The following GAS7 variants were observed in gnomAD, a reference collection of about 807,000 sequenced individuals.
GAS7 encodes growth arrest specific 7, also known as growth arrest-specific protein 7.
Under a neutral mutation model 71.1 loss-of-function variants are expected in GAS7, and 28 were observed. That is an observed-to-expected ratio of 0.39 (90% CI 0.29 to 0.54). The LOEUF (loss-of-function observed/expected upper bound fraction) is 0.54. Among genes scored for constraint, GAS7 ranks in the 20% least tolerant of loss-of-function variants. GAS7 has a pLI of 0.62. For synonymous variants in GAS7, 258 were observed against 245.8 expected, an observed-to-expected ratio of 1.05 and a Z score of -0.46; for missense variants, 436 against 627.8, an observed-to-expected ratio of 0.69 and a Z score of 3.27.
chr17:9,940,428 A>C (rs1045164112), intron 7 of GAS7, among the ~76,000 whole-genome samples: 1 of 152,254 alleles, frequency 6.6e-6, no homozygotes, highest in Non-Finnish European at 1.5e-5. Context: ...TCTGCAAAGT[A>C]GGACATTTTC....
intron 11 of GAS7, among the ~76,000 whole-genome samples, chr17:9,925,107 C>G (rs2067948966): frequency 6.6e-6 from 1 of 152,170 alleles, no homozygotes; most frequent in South Asian, 2.1e-4. Context: ...GGGCTCTGAA[C>G]AGGGACAGGG....
In GAS7 at chr17:9,929,498, G is replaced by A. The variant is rs144216359; in HGVS notation, c.886-2729C>T. Among the ~76,000 whole-genome samples the A allele has an allele frequency of 1.7e-4, 26 of 151,922 alleles. No individual in the cohort carries two copies. The East Asian group carries it at 4.6e-3, about 27-fold the overall frequency. ...ATTTATTTATTTATTTTTTTGAGACGGAGTCTCACTCTGTCTCCCAGGCTG... is the reference window on the plus strand; with the variant it reads ...ATTTATTTATTTATTTTTTTGAGACAGAGTCTCACTCTGTCTCCCAGGCTG... On this transcript the variant is annotated intron_variant, in intron 9 of 13. Transcript: ENST00000432992.
At chr17:9,931,376 CAG>C (rs1390346018) in intron 9 of GAS7, among the ~76,000 whole-genome samples, 1 of 152,180 alleles carries the variant, frequency 6.6e-6, no homozygotes, top group African/African-American at 2.4e-5. Flanking sequence ...AATCAAGAAT[CAG>C]GGGTCCTGCT....
chr17:10,016,446 G>A (rs1193907552), intron 2 of GAS7, among the ~76,000 whole-genome samples: 1 of 148,084 alleles, frequency 6.8e-6, no homozygotes, highest in Non-Finnish European at 1.5e-5. Context: ...TATCTAGAAT[G>A]TAAGACCAAG....
chr17:10,161,285 T>C (rs1015965968), intron 1 of GAS7, among the ~76,000 whole-genome samples: 1 of 152,284 alleles, frequency 6.6e-6, no homozygotes, highest in Admixed American at 6.5e-5. Context: ...TGAACCCAGC[T>C]TGGGTGACAT....
rs2069853098 is a variant in GAS7 at position 9,969,242 on chromosome 17, C to A, written c.471+435G>T. ...CCATTTCCTTCCATCTCATAGCTCT[C>A]TCTATGCTACTTTATCAAATGAGAT... is the stretch of plus-strand genomic sequence containing the variant. On this transcript the variant is annotated intron_variant, in intron 4 of 13. Transcript: ENST00000432992. The surrounding 1 kb of genome is among the most constrained non-coding windows in gnomAD (Gnocchi z 5.5). Among the ~76,000 whole-genome samples, 1 of 152,218 alleles carries A rather than the reference C, an allele frequency of 6.6e-6. No homozygotes were observed. Among genetic ancestry groups the A allele is most frequent in the African/African-American group, 2.4e-5 (1 of 41,454 alleles).
intron 3 of GAS7, among the ~76,000 whole-genome samples, chr17:9,976,807 C>A (rs1173141480): frequency 6.6e-6 from 1 of 152,220 alleles, no homozygotes; most frequent in African/African-American, 2.4e-5. Context: ...TAATAGATTT[C>A]TTTTATCCTT....
At chr17:9,989,479 TTTAG>T (rs1383631340) in intron 2 of GAS7, among the ~76,000 whole-genome samples, 2 of 152,200 alleles carry the variant, frequency 1.3e-5, no homozygotes, top group African/African-American at 2.4e-5. Context: ...CCATTCCATC[TTTAG>T]TTAATTTTAG....
intron 1 of GAS7, among the ~76,000 whole-genome samples, chr17:10,077,506 C>A (rs1178119268): frequency 1.3e-5 from 2 of 152,108 alleles, no homozygotes; most frequent in East Asian, 3.8e-4. Context: ...CTCAGAAAGG[C>A]CCAGGAAGGC....
At chr17:10,193,039 T>C (rs2074514162) in intron 1 of GAS7, among the ~76,000 whole-genome samples, 1 of 152,196 alleles carries the variant, frequency 6.6e-6, no homozygotes, top group Non-Finnish European at 1.5e-5. Context: ...GAAAAGGCTC[T>C]GTATTAAAAT....
intron 2 of GAS7, among the ~76,000 whole-genome samples, chr17:10,010,079 T>G (rs1213116248): frequency 1.3e-5 from 2 of 152,108 alleles, no homozygotes; most frequent in African/African-American, 4.8e-5. Context: ...CCAGATAGCT[T>G]GGATCAAGTC....
chr17:9,917,606 T>A (rs1351997571), intron 13 of GAS7, among the ~76,000 whole-genome samples: 1 of 152,222 alleles, frequency 6.6e-6, no homozygotes, highest in African/African-American at 2.4e-5. Context: ...CCTGTCTCTA[T>A]CCCTTCCACC....
rs1055290847 is a variant in GAS7 at position 9,919,187 on chromosome 17, C to G, written c.1218+439G>C. ...TTCACCCTTGGTGAGAGGCCTCCCC[C>G]ACCCCACTGCCTAGCTCCATCCTCA... is the stretch of plus-strand genomic sequence containing the variant. On this transcript the variant is annotated intron_variant, in intron 12 of 13. Transcript: ENST00000432992. The surrounding 1 kb of genome is among the most constrained non-coding windows in gnomAD (Gnocchi z 5.0). 6.6e-6 allele frequency among the ~76,000 whole-genome samples: 1 copy of G among 152,054 alleles called. No homozygotes were observed. The highest frequency in any genetic ancestry group is 2.4e-5 in the African/African-American group (1 of 41,426).
At chr17:9,944,463 C>A (rs964625805) in intron 6 of GAS7, among the ~76,000 whole-genome samples, 1 of 152,174 alleles carries the variant, frequency 6.6e-6, no homozygotes, top group Non-Finnish European at 1.5e-5. Flanking sequence ...CCGGACCACC[C>A]CCTTGAAATA....
intron 1 of GAS7, among the ~76,000 whole-genome samples, chr17:10,190,876 G>A (rs2074493065): frequency 6.6e-6 from 1 of 150,972 alleles, no homozygotes. Flanking sequence ...CATGTTTTAA[G>A]AAAGTTTACA....
At chr17:9,938,530 G>A (rs1194011501) in intron 8 of GAS7, among the ~76,000 whole-genome samples, 1 of 148,288 alleles carries the variant, frequency 6.7e-6, no homozygotes, top group African/African-American at 2.5e-5. Flanking sequence ...CTCTCTCTGA[G>A]CACACACCAA....
intron 1 of GAS7, among the ~76,000 whole-genome samples, chr17:10,081,526 C>CA (rs1465574307): frequency 6.6e-6 from 1 of 151,928 alleles, no homozygotes; most frequent in Non-Finnish European, 1.5e-5. Flanking sequence ...TAGATTGCAA[C>CA]AAAAAAGTTT....
intron 1 of GAS7, among the ~76,000 whole-genome samples, chr17:10,121,919 C>A (rs549046701): frequency 1.3e-5 from 2 of 152,252 alleles, no homozygotes; most frequent in South Asian, 4.1e-4. Context: ...CCACTGAGAC[C>A]AGTTCTCATG....
chr17:9,979,626 C>A (rs1415475715), intron 3 of GAS7, among the ~76,000 whole-genome samples: 1 of 152,096 alleles, frequency 6.6e-6, no homozygotes, highest in Non-Finnish European at 1.5e-5. Context: ...GAGAAGTGAC[C>A]CCATGACTCA....
Sources: gnomAD v4.1 joint callset for allele counts (sites outside exome capture counted in the v4.1 genomes callset) on GRCh38, gnomAD v4.1.1 for gene constraint, Gnocchi (gnomAD v3.1) non-coding constraint, MANE v1.5 for transcripts, NCBI Gene and HGNC (gene_info 2026-07-23, HGNC 2026-07-21) for gene names.